Variants in ACACB observed in about 807,000 individuals in gnomAD.
ACACB encodes acetyl-CoA carboxylase beta, also known as acetyl-CoA carboxylase 2.
Under a neutral mutation model 278.8 loss-of-function variants are expected in ACACB, and 209 were observed. That is an observed-to-expected ratio of 0.75 (90% CI 0.67 to 0.84). ACACB has a LOEUF of 0.84. ACACB is among the 40% of genes least tolerant of loss of function. ACACB has a pLI of 0.00. For missense variants in ACACB, 2,850 were observed against 3,269.0 expected, an observed-to-expected ratio of 0.87 and a Z score of 3.13; for synonymous variants, 1,174 against 1,285.6, an observed-to-expected ratio of 0.91 and a Z score of 1.86.
chr12:109,249,929 A>C, intron 40 of ACACB, 55 bp from the exon 41 acceptor site: 2 of 1,558,096 alleles, frequency 1.3e-6, no homozygotes, highest in East Asian at 2.3e-5. Flanking sequence ...AAATGCATCC[A>C]CCTTGGATTT....
At chr12:109,257,167 G>A (rs746251026) in intron 45 of ACACB, among the ~76,000 whole-genome samples, 7 of 152,188 alleles carry the variant, frequency 4.6e-5, no homozygotes, top group Non-Finnish European at 1.0e-4. Flanking sequence ...CCAGCTACTC[G>A]GGGGGCTGAA....
Position 109,216,700 on chromosome 12 carries a change from C to T in ACACB, c.3433C>T (p.Gln1145Ter). 6.2e-7 allele frequency: 1 copy of T among 1,614,198 alleles called. No homozygotes were observed. The highest frequency in any genetic ancestry group is 8.5e-7 in the Non-Finnish European group (1 of 1,180,036). ...RRYLRVEHHF[Q>*]QAHYDKCVIN... Reference sequence around the variant, plus strand: ...ATACTTGCGTGTTGAGCACCATTTTCAGCAAGGCAAGAGATGCTGATGCCA... The same window carrying T: ...ATACTTGCGTGTTGAGCACCATTTTTAGCAAGGCAAGAGATGCTGATGCCA... Residue 1145 changes from glutamine to a stop codon, truncating the protein, a stop_gained, in exon 23 of 53, where the codon CAG becomes TAG. Coordinates refer to ENST00000338432, the MANE Select transcript of ACACB (RefSeq NM_001093.4). LOFTEE classifies it high-confidence loss of function.
rs2045968406 is a variant in ACACB at position 109,215,504 on chromosome 12, CTG to C, written c.3351-1112_3351-1111del. Among the ~76,000 whole-genome samples, 4 of 152,252 alleles carry C rather than the reference CTG, an allele frequency of 2.6e-5. No individual in the cohort carries two copies. In the South Asian group the frequency reaches 8.3e-4, roughly 32 times the overall value. The stretch of plus-strand genomic sequence containing the variant: ...TTTGGCTGGGCGCGGTGGCTCATGC[CTG>C]TAATCCCAGCACTTTGGGAGGCCAA... On this transcript the variant is annotated intron_variant, in intron 22 of 52. Transcript: ENST00000338432.
chr12:109,193,650 G>A lies in ACACB; in HGVS notation c.2402G>A (p.Gly801Asp). ...MTDFLHSLERGQVLPADSLLN... is the reference protein window; with the variant it reads ...MTDFLHSLERDQVLPADSLLN... ...CACAACCCTGTCTTTTCTTTCAGGGGCCAGGTCCTCCCAGCGGATTCACTA... is the reference window on the plus strand; with the variant it reads ...CACAACCCTGTCTTTTCTTTCAGGGACCAGGTCCTCCCAGCGGATTCACTA... Residue 801 changes from glycine to aspartate, a missense_variant and splice_region_variant, in exon 16 of 53, where the codon GGC (glycine) becomes GAC (aspartate). Gly to Asp is a moderately conservative substitution (Grantham distance 94). This residue lies in a region of ACACB where 2,265 missense variants were observed against 2,561.3 expected (regional missense o/e 0.88). Coordinates refer to ENST00000338432, the MANE Select transcript of ACACB (RefSeq NM_001093.4). 6.2e-7 allele frequency: 1 copy of A among 1,613,126 alleles called. No individual in the cohort carries two copies. The highest frequency in any genetic ancestry group is 1.1e-5 in the South Asian group (1 of 91,066).
intron 2 of ACACB, among the ~76,000 whole-genome samples, chr12:109,162,312 G>A (rs1185223018): frequency 3.9e-5 from 6 of 152,122 alleles, no homozygotes; most frequent in Non-Finnish European, 8.8e-5. Flanking sequence ...GAAAGCAGAT[G>A]AATGAGTGGT....
At chr12:109,167,815 G>A in intron 3 of ACACB, 81 bp from the exon 4 acceptor site, 3 of 1,605,522 alleles carry the variant, frequency 1.9e-6, no homozygotes, top group South Asian at 2.2e-5. Context: ...CTCTGCAGCT[G>A]TGAGGTGGAC....
chr12:109,258,392 G>A (rs780670425), intron 46 of ACACB, 28 bp downstream of exon 46: 22 of 1,587,004 alleles, frequency 1.4e-5, no homozygotes, highest in Non-Finnish European at 1.9e-5. Context: ...TGTGGCTGCT[G>A]GTTTAGCCAG....
At chr12:109,188,832 A>C (rs2044763979) in intron 13 of ACACB, among the ~76,000 whole-genome samples, 1 of 152,208 alleles carries the variant, frequency 6.6e-6, no homozygotes, top group African/African-American at 2.4e-5. Flanking sequence ...AAAGTGTAAA[A>C]GGTGCTAAGT....
chr12:109,239,272 A>G (rs893453197), intron 34 of ACACB, among the ~76,000 whole-genome samples: 1 of 152,158 alleles, frequency 6.6e-6, no homozygotes, highest in African/African-American at 2.4e-5. Flanking sequence ...AGATAAGGAG[A>G]CAACTGCCAT....
At chr12:109,211,978 C>G (rs2045862747) in intron 21 of ACACB, among the ~76,000 whole-genome samples, 1 of 152,116 alleles carries the variant, frequency 6.6e-6, no homozygotes, top group Non-Finnish European at 1.5e-5. Flanking sequence ...AAAGACAGGA[C>G]CCTTCCCCAT....
intron 47 of ACACB, 76 bp from the exon 48 acceptor site, chr12:109,260,404 C>T: frequency 6.3e-7 from 1 of 1,582,604 alleles, no homozygotes; most frequent in Non-Finnish European, 8.6e-7. Flanking sequence ...CCCAGGACCC[C>T]CAGGACAACT....
intron 52 of ACACB, 43 bp downstream of exon 52, chr12:109,265,568 C>A: frequency 6.2e-7 from 1 of 1,604,036 alleles, no homozygotes. Flanking sequence ...CTGGCAAGGA[C>A]CCGAGCCTGG....
chr12:109,206,218 G>C (rs2045502868), intron 19 of ACACB, among the ~76,000 whole-genome samples: 1 of 152,044 alleles, frequency 6.6e-6, no homozygotes, highest in Non-Finnish European at 1.5e-5. Context: ...GGCAGATCAT[G>C]AGGTCAAGAG....
intron 2 of ACACB, among the ~76,000 whole-genome samples, chr12:109,158,665 G>C (rs564477684): frequency 6.6e-6 from 1 of 152,212 alleles, no homozygotes; most frequent in South Asian, 2.1e-4. Flanking sequence ...AACAGAGGGA[G>C]ACCCTGTCTC....
chr12:109,127,733 G>A (rs552803238), intron 1 of ACACB, among the ~76,000 whole-genome samples: 1 of 152,172 alleles, frequency 6.6e-6, no homozygotes. Context: ...TGGTGTAAGG[G>A]AGCATGGTGT....
At chr12:109,242,166 C>T in intron 36 of ACACB, 3 of 378,564 alleles carry the variant, frequency 7.9e-6, no homozygotes, top group South Asian at 9.4e-5. Context: ...ATTTCACCAG[C>T]GTTTCCATGC....
At chr12:109,191,426 C>G in intron 13 of ACACB, 187 bp from the exon 14 acceptor site, 3 of 554,598 alleles carry the variant, frequency 5.4e-6, no homozygotes, top group Non-Finnish European at 9.3e-6. Flanking sequence ...GTTGGCCAGG[C>G]TGGTCTTGAA....
At position 109,256,254 on chromosome 12, in the gene ACACB, A is replaced by AGCG; in HGVS notation, c.6263+20_6263+21insGGC. The AGCG allele has an allele frequency of 6.2e-7, 1 of 1,609,006 alleles. No individual in the cohort carries two copies. The highest frequency in any genetic ancestry group is 2.2e-5 in the East Asian group (1 of 44,782). ...CGAGCAAGGTAATCATGAAGACGGGAGCAGGCTGCCCATGTCTGACTCACC... is the reference window on the plus strand; with the variant it reads ...CGAGCAAGGTAATCATGAAGACGGGAGCGGCAGGCTGCCCATGTCTGACTCACC... On this transcript the variant is annotated intron_variant, in intron 45 of 52. Transcript: ENST00000338432.
intron 48 of ACACB, among the ~76,000 whole-genome samples, chr12:109,261,612 T>C (rs1425111643): frequency 6.6e-6 from 1 of 152,054 alleles, no homozygotes; most frequent in African/African-American, 2.4e-5. Context: ...GGCTCACGCC[T>C]GTAATCCCAG....
Sources: allele counts gnomAD v4.1 joint callset (sites outside exome capture counted in the v4.1 genomes callset), GRCh38; gene constraint gnomAD v4.1.1; regional missense constraint gnomAD v4.1.1; transcripts MANE v1.5; gene names NCBI Gene and HGNC (gene_info 2026-07-23, HGNC 2026-07-21).